The following CFAP54 variants were observed in gnomAD, a reference collection of about 807,000 sequenced individuals.
CFAP54 encodes the protein cilia and flagella associated protein 54.
A neutral mutation model predicts 370.4 loss-of-function variants in CFAP54; 290 were observed. That is an observed-to-expected ratio of 0.78 (90% CI 0.71 to 0.86). The LOEUF (loss-of-function observed/expected upper bound fraction) is 0.86. CFAP54 is among the 40% of genes least tolerant of loss of function. The pLI is 0.00. For missense variants in CFAP54, 3,399 were observed against 3,528.7 expected (o/e 0.96, Z 0.93); for synonymous variants, 1,206 against 1,236.5 (o/e 0.98, Z 0.52).
intron 45 of CFAP54, among the ~76,000 whole-genome samples, chr12:96,694,761 C>T (rs899510634): frequency 3.9e-5 from 6 of 151,978 alleles, no homozygotes; most frequent in South Asian, 4.2e-4. Context: ...TGATGTCTCA[C>T]GCCTGTAATC....
Position 96,489,759 on chromosome 12 carries a change from C to T in CFAP54, c.150C>T (p.Thr50=), listed in dbSNP as rs1374618895. 1.3e-5 allele frequency: 20 copies of T among 1,536,130 alleles called. No homozygotes were observed. The highest frequency in any genetic ancestry group is 1.7e-5 in the Non-Finnish European group (19 of 1,146,906). The stretch of plus-strand genomic sequence containing the variant: ...CCCGGAGCTCGCTGCTTCAGTGGAC[C>T]TGCCCCGAGGACTCATTGCCCCTAG... ...GSSRSSLLQW[T]CPEDSLPLAV... Residue 50 remains threonine (T), a synonymous_variant, in exon 1 of 68, where the codon ACC becomes ACT. Transcript: ENST00000524981.
Position 96,518,457 on chromosome 12 carries a change from C to T in CFAP54, c.799-471C>T, listed in dbSNP as rs144953663. On this transcript the variant is annotated intron_variant, in intron 5 of 67. Transcript: ENST00000524981. ...ATTCCAGCAGTTTGGGAGGCCGAGG[C>T]GGGTGGATCACTTGAGGTCAGGAGT... 2.6e-3 allele frequency among the ~76,000 whole-genome samples: 403 copies of T among 152,236 alleles called. 1 individual carries two copies. The highest frequency in any genetic ancestry group is 9.2e-3 in the African/African-American group (381 of 41,546).
chr12:96,493,482 C>T (rs1328275746), intron 1 of CFAP54, among the ~76,000 whole-genome samples: 1 of 152,184 alleles, frequency 6.6e-6, no homozygotes, highest in Non-Finnish European at 1.5e-5. Context: ...AGACAATAAA[C>T]ATCAATTATG....
chr12:96,539,909 A>C (rs1955552156), intron 13 of CFAP54, among the ~76,000 whole-genome samples: 1 of 152,180 alleles, frequency 6.6e-6, no homozygotes, highest in African/African-American at 2.4e-5. Context: ...AATAATAACA[A>C]ATATTATAGC....
intron 17 of CFAP54, among the ~76,000 whole-genome samples, chr12:96,561,975 G>A (rs1162356698): frequency 6.6e-6 from 1 of 151,792 alleles, no homozygotes; most frequent in Non-Finnish European, 1.5e-5. Flanking sequence ...TAGTGGAAAT[G>A]GGGTTTCACC....
chr12:96,598,187 A>G (rs1191445699), intron 25 of CFAP54, among the ~76,000 whole-genome samples: 2 of 151,978 alleles, frequency 1.3e-5, no homozygotes, highest in Non-Finnish European at 1.5e-5. Flanking sequence ...ATATTAGTTG[A>G]TTTCCTGAGA....
chr12:96,845,193 C>T (rs1959303791), intron 66 of CFAP54, among the ~76,000 whole-genome samples: 1 of 151,962 alleles, frequency 6.6e-6, no homozygotes, highest in Non-Finnish European at 1.5e-5. Context: ...TTACCATGAC[C>T]CAGAAAAGAA....
At chr12:96,539,895 A>G (rs542610259) in intron 13 of CFAP54, among the ~76,000 whole-genome samples, 1 of 152,310 alleles carries the variant, frequency 6.6e-6, no homozygotes, top group South Asian at 2.1e-4. Context: ...AGGAGAAAAA[A>G]TTTAATAATA....
intron 5 of CFAP54, among the ~76,000 whole-genome samples, chr12:96,517,332 C>T (rs563766117): frequency 1.8e-4 from 27 of 152,100 alleles, no homozygotes; most frequent in Non-Finnish European, 4.0e-4. Context: ...CTTTTAAGAT[C>T]TCTTCTGGCA....
At chr12:96,634,065 T>TTTTTTTTTTTTTTTTTTTTTC (rs1296151718) in intron 32 of CFAP54, among the ~76,000 whole-genome samples, 1 of 129,568 alleles carries the variant, frequency 7.7e-6, no homozygotes, top group Non-Finnish European at 1.7e-5. Flanking sequence ...TTTTTTTTTT[T>TTTTTTTTTTTTTTTTTTTTTC]TTTTTTTTGA....
At chr12:96,550,707 C>G (rs1047088066) in intron 15 of CFAP54, among the ~76,000 whole-genome samples, 1 of 152,186 alleles carries the variant, frequency 6.6e-6, no homozygotes, top group Non-Finnish European at 1.5e-5. Flanking sequence ...CAAATATCCT[C>G]AAGCATGTTG....
chr12:96,860,574 T>C lies in CFAP54; in HGVS notation c.9172-245T>C, dbSNP rs1383892835. 4.6e-5 allele frequency among the ~76,000 whole-genome samples: 7 copies of C among 152,202 alleles called. No individual in the cohort carries two copies. The South Asian group carries it at 8.3e-4, about 18-fold the overall frequency. ...GCCAAAAGTCTTACATTTAGAACCA[T>C]GTACAATGATTACCTAAATACAAAT... is the stretch of plus-strand genomic sequence containing the variant. On this transcript the variant is annotated intron_variant, in intron 66 of 67. Coordinates refer to ENST00000524981, the MANE Select transcript of CFAP54 (RefSeq NM_001306084.2).
intron 66 of CFAP54, among the ~76,000 whole-genome samples, chr12:96,830,993 C>T (rs1215569684): frequency 1.3e-5 from 2 of 152,154 alleles, no homozygotes; most frequent in Admixed American, 1.3e-4. Context: ...ACTAGTTTTC[C>T]TCCTCCTCTT....
chr12:96,614,437 C>G (rs890842554), intron 26 of CFAP54, among the ~76,000 whole-genome samples: 1 of 152,136 alleles, frequency 6.6e-6, no homozygotes, highest in African/African-American at 2.4e-5. Flanking sequence ...GGAAGCATTC[C>G]CTTTGAAAAC....
chr12:96,785,730 C>A (rs1958622707), intron 61 of CFAP54, among the ~76,000 whole-genome samples: 1 of 152,202 alleles, frequency 6.6e-6, no homozygotes, highest in Admixed American at 6.5e-5. Context: ...CCTGCTGGCA[C>A]TTCCCACAAG....
intron 12 of CFAP54, among the ~76,000 whole-genome samples, chr12:96,536,359 G>A (rs1029962738): frequency 6.6e-6 from 1 of 152,178 alleles, no homozygotes; most frequent in African/African-American, 2.4e-5. Flanking sequence ...TTTTTAAAAA[G>A]TATGTAAACC....
At chr12:96,859,919 A>G (rs1446882328) in intron 66 of CFAP54, among the ~76,000 whole-genome samples, 2 of 152,138 alleles carry the variant, frequency 1.3e-5, no homozygotes, top group East Asian at 3.8e-4. Context: ...GAGATTATTA[A>G]TTTTTTATTT....
In CFAP54 at chr12:96,576,534, T is replaced by TAA. The variant is rs1418732279; in HGVS notation, c.2620-50_2620-49insAA. The TAA allele has an allele frequency of 3.1e-6, 4 of 1,301,844 alleles. No homozygotes were observed. In the African/African-American group the frequency reaches 6.0e-5, roughly 20 times the overall value. The allele number at this position is 1,301,844 out of a possible 1,614,324, so 80.6% of individuals were successfully genotyped here. On this transcript the variant is annotated intron_variant, in intron 19 of 67. Coordinates refer to ENST00000524981, the MANE Select transcript of CFAP54 (RefSeq NM_001306084.2). Reference sequence around the variant, plus strand: ...ATCACTAGAATTCTATAAACGTAAATAGAGTTCAAGCTCTTGACATATATT... The same window carrying TAA: ...ATCACTAGAATTCTATAAACGTAAATAAAGAGTTCAAGCTCTTGACATATATT...
chr12:96,648,894 A>G (rs913544501), intron 34 of CFAP54, among the ~76,000 whole-genome samples: 34 of 151,940 alleles, frequency 2.2e-4, no homozygotes, highest in African/African-American at 8.0e-4. Flanking sequence ...GGCCGAAAAC[A>G]GGGTTCTTGA....
Sources: allele counts gnomAD v4.1 joint callset (sites outside exome capture counted in the v4.1 genomes callset), GRCh38; gene constraint gnomAD v4.1.1; transcripts MANE v1.5; gene names NCBI Gene and HGNC (gene_info 2026-07-23, HGNC 2026-07-21).